The following HS6ST3 variants were observed in gnomAD, a reference collection of about 807,000 sequenced individuals.
HS6ST3 encodes the protein heparan sulfate 6-O-sulfotransferase 3, also known as heparan-sulfate 6-O-sulfotransferase 3.
In HS6ST3, 12 loss-of-function variants were observed where a neutral mutation model predicts 36.7. The observed-to-expected ratio is 0.33, with a 90% CI of 0.21 to 0.53. The LOEUF (loss-of-function observed/expected upper bound fraction) is 0.53. Among genes scored for constraint, HS6ST3 ranks in the 20% least tolerant of loss-of-function variants. The pLI, the probability that HS6ST3 is intolerant of heterozygous loss-of-function variation, is 0.95. For missense variants in HS6ST3, 584 were observed against 640.9 expected (o/e 0.91, Z 0.96); for synonymous variants, 240 against 257.5 (o/e 0.93, Z 0.65).
intron 1 of HS6ST3, among the ~76,000 whole-genome samples, chr13:96,732,503 CTGTG>C (rs1876181955): frequency 1.3e-5 from 2 of 151,890 alleles, no homozygotes; most frequent in South Asian, 4.2e-4. Flanking sequence ...TTCCATTAGT[CTGTG>C]TGTCTTTTTT....
At chr13:96,712,413 T>C (rs1875583177) in intron 1 of HS6ST3, among the ~76,000 whole-genome samples, 1 of 152,146 alleles carries the variant, frequency 6.6e-6, no homozygotes, top group South Asian at 2.1e-4. Context: ...ATGAGTTTCA[T>C]GGTGATAGAA....
At chr13:96,607,330 G>T (rs987909505) in intron 1 of HS6ST3, among the ~76,000 whole-genome samples, 7 of 152,146 alleles carry the variant, frequency 4.6e-5, no homozygotes, top group African/African-American at 1.7e-4. Context: ...AAACACACGA[G>T]ACATGGATTT....
At chr13:96,140,992 C>A (rs2139317407) in intron 1 of HS6ST3, among the ~76,000 whole-genome samples, 1 of 152,224 alleles carries the variant, frequency 6.6e-6, no homozygotes, top group Non-Finnish European at 1.5e-5. Flanking sequence ...TCCAGATTTT[C>A]CGAAGAAAAT....
chr13:96,225,648 C>T (rs1005976405), intron 1 of HS6ST3, among the ~76,000 whole-genome samples: 1 of 152,032 alleles, frequency 6.6e-6, no homozygotes, highest in Admixed American at 6.5e-5. Flanking sequence ...AATAACTTTA[C>T]TTTTCTATTT....
intron 1 of HS6ST3, among the ~76,000 whole-genome samples, chr13:96,341,839 G>C (rs2055131970): frequency 6.6e-6 from 1 of 152,038 alleles, no homozygotes; most frequent in South Asian, 2.1e-4. Context: ...AAACTCCATG[G>C]GATGCATTTT....
chr13:96,251,367 G>A (rs1229161674), intron 1 of HS6ST3, among the ~76,000 whole-genome samples: 1 of 151,972 alleles, frequency 6.6e-6, no homozygotes, highest in African/African-American at 2.4e-5. Flanking sequence ...TATCCAATTT[G>A]TATATGTATA....
In HS6ST3 at chr13:96,656,543, A is replaced by G. The variant is rs542406575; in HGVS notation, c.708-175947A>G. Among the ~76,000 whole-genome samples the G allele has an allele frequency of 8.8e-4, 134 of 152,312 alleles. 1 individual carries two copies. The highest frequency in any genetic ancestry group is 3.1e-3 in the African/African-American group (127 of 41,578). On this transcript the variant is annotated intron_variant, in intron 1 of 1. Coordinates refer to ENST00000376705, the MANE Select transcript of HS6ST3 (RefSeq NM_153456.4). ...GAAAGTAGAATAAAGGCCAGGAAAC[A>G]AAAGAGATGATGAAAACAAAATATG...
chr13:96,694,877 C>T (rs1241593834), intron 1 of HS6ST3, among the ~76,000 whole-genome samples: 1 of 151,774 alleles, frequency 6.6e-6, no homozygotes, highest in Non-Finnish European at 1.5e-5. Flanking sequence ...GGGAAAAAAA[C>T]AACACAAACT....
At chr13:96,782,682 A>G (rs563860132) in intron 1 of HS6ST3, among the ~76,000 whole-genome samples, 76 of 152,234 alleles carry the variant, frequency 5.0e-4, no homozygotes, top group African/African-American at 1.8e-3. Flanking sequence ...ATCCATACTA[A>G]GATTGTAGGT....
intron 1 of HS6ST3, among the ~76,000 whole-genome samples, chr13:96,421,347 T>C (rs902837517): frequency 6.6e-6 from 1 of 152,096 alleles, no homozygotes; most frequent in Admixed American, 6.5e-5. Flanking sequence ...AATTTAGTTA[T>C]TGTCAATGCC....
chr13:96,552,224 C>T (rs1406239000), intron 1 of HS6ST3, among the ~76,000 whole-genome samples: 1 of 152,118 alleles, frequency 6.6e-6, no homozygotes, highest in Non-Finnish European at 1.5e-5. Flanking sequence ...TTTTTAATGT[C>T]CTTCCTCTTA....
chr13:96,376,285 CT>C (rs998114455), intron 1 of HS6ST3, among the ~76,000 whole-genome samples: 2 of 152,150 alleles, frequency 1.3e-5, no homozygotes, highest in African/African-American at 4.8e-5. Flanking sequence ...ATGAAAAGTG[CT>C]TTTGGATTAT....
intron 1 of HS6ST3, among the ~76,000 whole-genome samples, chr13:96,161,964 G>A (rs1360801748): frequency 6.6e-6 from 1 of 152,124 alleles, no homozygotes; most frequent in Non-Finnish European, 1.5e-5. Context: ...GGTGATAAAT[G>A]TCTTCACATT....
intron 1 of HS6ST3, among the ~76,000 whole-genome samples, chr13:96,705,120 A>G (rs1245841205): frequency 6.6e-6 from 1 of 152,096 alleles, no homozygotes; most frequent in Non-Finnish European, 1.5e-5. Context: ...GCCTACACTG[A>G]CACATTGTTA....
intron 1 of HS6ST3, among the ~76,000 whole-genome samples, chr13:96,429,732 T>G (rs1475558766): frequency 6.6e-6 from 1 of 152,194 alleles, no homozygotes; most frequent in African/African-American, 2.4e-5. Flanking sequence ...TTCCTAACCC[T>G]CTAAGAATTC....
intron 1 of HS6ST3, among the ~76,000 whole-genome samples, chr13:96,231,199 C>T (rs1173682328): frequency 6.6e-6 from 1 of 152,040 alleles, no homozygotes; most frequent in African/African-American, 2.4e-5. Flanking sequence ...CCTTACTGTG[C>T]CTGTTGATCC....
intron 1 of HS6ST3, among the ~76,000 whole-genome samples, chr13:96,215,753 C>A (rs963970356): frequency 7.3e-5 from 11 of 151,568 alleles, no homozygotes; most frequent in Non-Finnish European, 4.4e-5. Flanking sequence ...TATAGTGTCA[C>A]GGTTAGGATA....
At chr13:96,453,604 C>T (rs977914712) in intron 1 of HS6ST3, among the ~76,000 whole-genome samples, 7 of 152,104 alleles carry the variant, frequency 4.6e-5, no homozygotes. Context: ...CCATGGTGTC[C>T]TTTCAGTAGC....
At chr13:96,362,704 A>G (rs2055244244) in intron 1 of HS6ST3, among the ~76,000 whole-genome samples, 1 of 152,176 alleles carries the variant, frequency 6.6e-6, no homozygotes, top group South Asian at 2.1e-4. Flanking sequence ...CTGCACATGA[A>G]TTTTCATAGC....
Sources: allele counts gnomAD v4.1 joint callset (sites outside exome capture counted in the v4.1 genomes callset), GRCh38; gene constraint gnomAD v4.1.1; transcripts MANE v1.5; gene names NCBI Gene and HGNC (gene_info 2026-07-23, HGNC 2026-07-21).